Variants in ATL1 observed in about 807,000 individuals in gnomAD.
The protein encoded by ATL1 is atlastin-1.
Under a neutral mutation model 75.5 loss-of-function variants are expected in ATL1, and 31 were observed. That is an observed-to-expected ratio of 0.41 (90% CI 0.31 to 0.55). The LOEUF (loss-of-function observed/expected upper bound fraction) is 0.55. Ranked by LOEUF, ATL1 falls within the 20% of genes least tolerant of loss-of-function variation. The pLI is 0.27. For synonymous variants in ATL1, 226 were observed against 233.3 expected (o/e 0.97, Z 0.28); for missense variants, 405 against 662.6 (o/e 0.61, Z 4.27).
intron 1 of ATL1, among the ~76,000 whole-genome samples, chr14:50,585,786 C>A (rs1288178281): frequency 6.6e-6 from 1 of 152,178 alleles, no homozygotes; most frequent in Admixed American, 6.5e-5. Context: ...CAAAGGCTCT[C>A]TGACTCCAGC....
chr14:50,594,109 A>G (rs1309006681), intron 5 of ATL1, among the ~76,000 whole-genome samples: 2 of 152,334 alleles, frequency 1.3e-5, no homozygotes, highest in African/African-American at 2.4e-5. Context: ...GCATGGCTGG[A>G]AAGGCCTCAG....
intron 1 of ATL1, among the ~76,000 whole-genome samples, chr14:50,549,809 A>G (rs1345830583): frequency 2.6e-5 from 4 of 152,242 alleles, no homozygotes; most frequent in Non-Finnish European, 5.9e-5. Context: ...GCACTGTCCC[A>G]GAATGGCTAA....
chr14:50,545,303 T>A (rs1310256074), intron 1 of ATL1, among the ~76,000 whole-genome samples: 1 of 152,202 alleles, frequency 6.6e-6, no homozygotes, highest in Non-Finnish European at 1.5e-5. Flanking sequence ...GAGTCACGTT[T>A]TGGTCTCAGC....
chr14:50,625,844 A>G (rs12587842), intron 11 of ATL1, among the ~76,000 whole-genome samples: 74,633 of 150,554 alleles, frequency 0.5, 19,459 homozygotes, highest in East Asian at 0.74. Context: ...CAAGAGGCAG[A>G]GTTTGCAATG....
At chr14:50,599,608 G>T (rs1035334495) in intron 6 of ATL1, among the ~76,000 whole-genome samples, 4 of 152,108 alleles carry the variant, frequency 2.6e-5, no homozygotes, top group Admixed American at 1.3e-4. Context: ...ATGGGGAAAA[G>T]CATACTCTGG....
intron 1 of ATL1, chr14:50,572,277 T>G (rs2038961738): frequency 4.9e-6 from 1 of 202,614 alleles, no homozygotes; most frequent in African/African-American, 2.4e-5. Flanking sequence ...AAAAAAATTC[T>G]CTGTAAGAAT....
chr14:50,632,128 C>G, intron 13 of ATL1, 101 bp from the exon 14 acceptor site: 1 of 686,278 alleles, frequency 1.5e-6, no homozygotes, highest in Non-Finnish European at 2.4e-6. Flanking sequence ...ATTTCAAATT[C>G]AACATGCTAA....
intron 1 of ATL1, among the ~76,000 whole-genome samples, chr14:50,538,872 T>C (rs2038526256): frequency 6.6e-6 from 1 of 152,222 alleles, no homozygotes; most frequent in Admixed American, 6.5e-5. Context: ...GCAGTGGCTA[T>C]TAACAAGTGC....
chr14:50,543,792 C>T (rs2038595182), intron 1 of ATL1, among the ~76,000 whole-genome samples: 1 of 152,152 alleles, frequency 6.6e-6, no homozygotes, highest in East Asian at 1.9e-4. Flanking sequence ...TAATAACTCT[C>T]TTGAAAGTTT....
chr14:50,534,067 T>C (rs755788320), intron 1 of ATL1, among the ~76,000 whole-genome samples: 1 of 152,244 alleles, frequency 6.6e-6, no homozygotes, highest in Non-Finnish European at 1.5e-5. Context: ...ACTCAAAATC[T>C]CTTCAAATGT....
At position 50,593,770 on chromosome 14, in the gene ATL1, A is replaced by G. The variant is rs566833494; in HGVS notation, c.523-76A>G. The G allele has an allele frequency of 3.8e-5, 36 of 954,978 alleles. No individual in the cohort carries two copies. In the African/African-American group the frequency reaches 4.3e-4, roughly 12 times the overall value. The allele number at this position is 954,978 out of a possible 1,614,324, so 59.2% of individuals were successfully genotyped here. On this transcript the variant is annotated intron_variant, in intron 4 of 13. Coordinates refer to ENST00000358385, the MANE Select transcript of ATL1 (RefSeq NM_015915.5). ...CATTTTGTGGTAACTGATATTTTTA[A>G]AAGTAGGGAATGATGAAGTAAGTGC...
intron 1 of ATL1, among the ~76,000 whole-genome samples, chr14:50,571,313 C>T (rs1041109882): frequency 3.3e-5 from 5 of 152,170 alleles, no homozygotes; most frequent in African/African-American, 1.2e-4. Context: ...GCATGGCTGC[C>T]TGCCATGGGA....
chr14:50,580,962 T>C (rs542274692), intron 1 of ATL1, among the ~76,000 whole-genome samples: 2 of 152,122 alleles, frequency 1.3e-5, no homozygotes, highest in South Asian at 2.1e-4. Flanking sequence ...ATCAGAGTTA[T>C]CAAATTTATT....
rs1479448593 is a variant in ATL1, at chr14:50,622,066, A to G, written c.1047+167A>G. On this transcript the variant is annotated intron_variant, in intron 10 of 13. Transcript: ENST00000358385. ...TCATCTAAACATGTTTCACATAAAC[A>G]TATTGCAGCCTCACTTGTGTTGAGA... Among the ~76,000 whole-genome samples the G allele has an allele frequency of 2.0e-5, 3 of 152,248 alleles. No homozygotes were observed. In the South Asian group the frequency reaches 6.2e-4, roughly 31 times the overall value.
intron 9 of ATL1, among the ~76,000 whole-genome samples, chr14:50,621,359 G>A (rs2039465343): frequency 1.3e-5 from 2 of 152,056 alleles, no homozygotes; most frequent in African/African-American, 4.8e-5. Flanking sequence ...CTATCATATA[G>A]GTTCTGTGTG....
At chr14:50,570,417 C>T (rs1241914802) in intron 1 of ATL1, among the ~76,000 whole-genome samples, 1 of 151,732 alleles carries the variant, frequency 6.6e-6, no homozygotes, top group Non-Finnish European at 1.5e-5. Context: ...ACTCTGTTGC[C>T]CAGGCTAGAG....
chr14:50,594,925 G>A (rs2039198496), intron 5 of ATL1, among the ~76,000 whole-genome samples: 1 of 150,696 alleles, frequency 6.6e-6, no homozygotes, highest in African/African-American at 2.5e-5. Context: ...CTTGAGCCAG[G>A]GAGGTCAAGG....
At chr14:50,592,929 A>AAAT (rs562590227) in intron 4 of ATL1, among the ~76,000 whole-genome samples, 1,282 of 113,748 alleles carry the variant, frequency 0.011, 37 homozygotes, top group African/African-American at 0.034. Context: ...AAAAAAAAAA[A>AAAT]ATATATATAT....
chr14:50,554,920 GGTAGAGT>G (rs1437705721), intron 1 of ATL1, among the ~76,000 whole-genome samples: 2 of 152,144 alleles, frequency 1.3e-5, no homozygotes, highest in African/African-American at 2.4e-5. Flanking sequence ...CATGGAAGAT[GGTAGAGT>G]GCACCTTTGT....
Sources: gnomAD v4.1 joint callset for allele counts (sites outside exome capture counted in the v4.1 genomes callset) on GRCh38, gnomAD v4.1.1 for gene constraint, MANE v1.5 for transcripts, NCBI Gene and HGNC (gene_info 2026-07-23, HGNC 2026-07-21) for gene names.